The following ADGRL1 variants were observed in gnomAD, a reference collection of about 807,000 sequenced individuals.
The protein encoded by ADGRL1 is adhesion G protein-coupled receptor L1.
ADGRL1 carries 31 observed loss-of-function variants against 148.9 expected under a neutral mutation model. The ratio of observed to expected loss-of-function variants is 0.21; its 90% CI spans 0.16 to 0.28. The LOEUF (loss-of-function observed/expected upper bound fraction) is 0.28. Among genes scored for constraint, ADGRL1 ranks in the 10% least tolerant of loss-of-function variants. ADGRL1 has a pLI of 1.00. For missense variants in ADGRL1, 1,521 were observed against 2,058.8 expected, an observed-to-expected ratio of 0.74 and a Z score of 5.05; for synonymous variants, 937 against 900.3, an observed-to-expected ratio of 1.04 and a Z score of -0.73.
chr19:14,160,389 A>G lies in ADGRL1; in HGVS notation c.1615-92T>C, dbSNP rs937314741. The G allele has an allele frequency of 4.1e-6, 5 of 1,214,062 alleles. No individual in the cohort carries two copies. The highest frequency in any genetic ancestry group is 5.8e-6 in the Non-Finnish European group (5 of 869,024). 75.2% of individuals were successfully genotyped at this position (1,214,062 alleles called of 1,614,324 possible). On this transcript the variant is annotated intron_variant, in intron 7 of 22. Transcript: ENST00000361434. The surrounding 1 kb of genome is among the most constrained non-coding windows in gnomAD (Gnocchi z 5.9). The stretch of plus-strand genomic sequence containing the variant: ...TTCCCTGGCCTGTGCAGCCTCTCCT[A>G]TCTCTCTCTCCACTTCCCCATCGCC...
At chr19:14,166,582 A>AAGAGAGAG (rs3036177) in intron 4 of ADGRL1, among the ~76,000 whole-genome samples, 6 of 146,582 alleles carry the variant, frequency 4.1e-5, no homozygotes, top group Non-Finnish European at 9.1e-5. Context: ...GAGAGAGAGA[A>AAGAGAGAG]AGAGAGAGAG....
Position 14,155,574 on chromosome 19 carries a change from G to A in ADGRL1, c.3126-47C>T, listed in dbSNP as rs767039764. 93 of 1,599,922 alleles carry A rather than the reference G, an allele frequency of 5.8e-5. 1 individual carries two copies. The East Asian group carries it at 1.9e-3, about 33-fold the overall frequency. On this transcript the variant is annotated intron_variant, in intron 17 of 22. Coordinates refer to ENST00000361434, the MANE Select transcript of ADGRL1 (RefSeq NM_014921.5). The surrounding 1 kb of genome is among the most constrained non-coding windows in gnomAD (Gnocchi z 5.0). ...AGTCAAAGTACCCGCCGGAGGGGAC[G>A]GCCTCAGCCCAGGCCTCCCCTGCAG...
At chr19:14,188,512 C>A (rs141667340) in intron 1 of ADGRL1, among the ~76,000 whole-genome samples, 3 of 152,200 alleles carry the variant, frequency 2.0e-5, no homozygotes, top group Admixed American at 1.3e-4. Context: ...TAAGCCCCTA[C>A]ATCAGTGCAC....
chr19:14,151,172 A>C lies in ADGRL1; in HGVS notation c.4111T>G (p.Ser1371Ala), dbSNP rs1308189126. The change falls in exon 23 of 23, where the codon TCC (serine) becomes GCC (alanine). Residue 1371 changes from serine (S) to alanine (A), a missense_variant. This residue lies in a region of ADGRL1 where 390 missense variants were observed against 375.0 expected (regional missense o/e 1.04). Transcript: ENST00000361434. ...AGGGAGTCCCGGCCAGGAGGGGAGG[A>C]GAGGGGCCGGCTGGTGGCGCCGTCC... The part of the protein sequence containing the change: ...AEDGATSRPL[S>A]SPPGRDSLYA... 3.1e-6 allele frequency: 5 copies of C among 1,609,342 alleles called. No individual in the cohort carries two copies. The South Asian group carries it at 4.4e-5, about 14-fold the overall frequency.
chr19:14,156,070 G>C, intron 17 of ADGRL1, 40 bp downstream of exon 17: 1 of 1,505,224 alleles, frequency 6.6e-7, no homozygotes, highest in Non-Finnish European at 9.1e-7. Flanking sequence ...TGGGGCGGGG[G>C]TGGGTGATGG....
intron 3 of ADGRL1, among the ~76,000 whole-genome samples, chr19:14,174,078 A>C (rs1308118516): frequency 6.6e-6 from 1 of 151,916 alleles, no homozygotes; most frequent in African/African-American, 2.4e-5. Flanking sequence ...AGGCCTCATC[A>C]CACTCCCTCA....
At chr19:14,201,024 G>C (rs1343972944) in intron 1 of ADGRL1, among the ~76,000 whole-genome samples, 1 of 152,130 alleles carries the variant, frequency 6.6e-6, no homozygotes, top group Non-Finnish European at 1.5e-5. Context: ...ACGACTGTGG[G>C]GCTGGAGGTG....
At chr19:14,178,249 A>G (rs1205083079) in intron 2 of ADGRL1, among the ~76,000 whole-genome samples, 1 of 152,184 alleles carries the variant, frequency 6.6e-6, no homozygotes. Flanking sequence ...ACACACTTGT[A>G]ACCCCAGCAT....
chr19:14,155,168 G>A lies in ADGRL1; in HGVS notation c.3294+191C>T, dbSNP rs769327090. On this transcript the variant is annotated intron_variant, in intron 18 of 22. Transcript: ENST00000361434. The surrounding 1 kb of genome is among the most constrained non-coding windows in gnomAD (Gnocchi z 5.0). ...GTTTTCCAGAACCCTCTTCACCCGT[G>A]GTTAAACCCTCCCTAACCCTGAGCT... The A allele has an allele frequency of 2.0e-5, 11 of 541,602 alleles. No homozygotes were observed. Among genetic ancestry groups the A allele is most frequent in the Non-Finnish European group, 6.5e-6 (2 of 308,164 alleles). 33.5% of individuals were successfully genotyped at this position (541,602 alleles called of 1,614,324 possible).
At chr19:14,166,899 C>G in intron 4 of ADGRL1, 1 of 1,097,222 alleles carries the variant, frequency 9.1e-7, no homozygotes, top group Non-Finnish European at 1.4e-6. Context: ...GGATACCGAC[C>G]GGACCAAGTG....
At chr19:14,198,854 G>T (rs1972428224) in intron 1 of ADGRL1, among the ~76,000 whole-genome samples, 1 of 152,170 alleles carries the variant, frequency 6.6e-6, no homozygotes, top group Admixed American at 6.5e-5. Flanking sequence ...TTGCAACTCT[G>T]TTGCGCTCAC....
rs750677566 is a variant in ADGRL1 at position 14,150,909 on chromosome 19, A to G, written c.4374T>C (p.Asp1458=). ...TGACCAGCTGCATCTGCCCGTCCCC[A>G]TCGGGCCCTGGCCCCTCAAGGCCTG... The part of the protein sequence containing the change: ...AAPGLEGPGP[D]GDGQMQLVTS... The change falls in exon 23 of 23, where the codon GAT becomes GAC. Residue 1458 remains aspartate, a synonymous_variant. Coordinates refer to ENST00000361434, the MANE Select transcript of ADGRL1 (RefSeq NM_014921.5). The G allele has an allele frequency of 1.2e-6, 2 of 1,612,108 alleles. No homozygotes were observed. Among genetic ancestry groups the G allele is most frequent in the South Asian group, 1.1e-5 (1 of 91,002 alleles).
intron 4 of ADGRL1, among the ~76,000 whole-genome samples, chr19:14,165,344 C>T (rs1310266033): frequency 6.6e-6 from 1 of 152,206 alleles, no homozygotes; most frequent in Non-Finnish European, 1.5e-5. Context: ...CTGCCCAAGC[C>T]GGTCCCCACC....
At chr19:14,184,638 A>ATTTTTTTTT (rs1293975046) in intron 1 of ADGRL1, among the ~76,000 whole-genome samples, 1 of 120,924 alleles carries the variant, frequency 8.3e-6, no homozygotes, top group Admixed American at 8.2e-5. Context: ...TTATTTATTT[A>ATTTTTTTTT]TTTATTTATT....
At position 14,147,893 on chromosome 19, in the gene ADGRL1, C is replaced by G. The variant is rs1035466844; in HGVS notation, c.*2980G>C. 6.6e-6 allele frequency: 1 copy of G among 151,730 alleles called. No individual in the cohort carries two copies. 9.4% of individuals were successfully genotyped at this position (151,730 alleles called of 1,614,324 possible). ...TCGACCCAAAATTGGTTTGGCATAT[C>G]GAAAAGGAGACCAAGGAGGGAGGGG... On this transcript the variant is annotated 3_prime_UTR_variant, in exon 23 of 23. Coordinates refer to ENST00000361434, the MANE Select transcript of ADGRL1 (RefSeq NM_014921.5).
Position 14,156,121 on chromosome 19 carries a change from C to T in ADGRL1, c.3114G>A (p.Leu1038=), listed in dbSNP as rs1192805704. The T allele has an allele frequency of 1.9e-6, 3 of 1,610,566 alleles. No homozygotes were observed. The highest frequency in any genetic ancestry group is 2.5e-6 in the Non-Finnish European group (3 of 1,178,876). The stretch of plus-strand genomic sequence containing the variant: ...GGGGCGAGGCTCACTTAATGTTGTC[C>T]AGGCGGCTGGAGTCGGGCTTGAGCA... ...SSVLKPDSSR[L]DNIKSWALGA... Residue 1038 remains leucine, a synonymous_variant, in exon 17 of 23, where the codon CTG becomes CTA. Transcript: ENST00000361434.
chr19:14,169,801 A>T (rs932481818), intron 4 of ADGRL1: 2 of 152,092 alleles, frequency 1.3e-5, no homozygotes, highest in Non-Finnish European at 1.5e-5. Context: ...GTGGGAGGAG[A>T]AGGGAAGGGA....
intron 1 of ADGRL1, among the ~76,000 whole-genome samples, chr19:14,198,871 G>T (rs1972429603): frequency 1.3e-5 from 2 of 152,158 alleles, no homozygotes; most frequent in African/African-American, 4.8e-5. Flanking sequence ...TCACCATCAT[G>T]GCACGTCCAC....
intron 1 of ADGRL1, among the ~76,000 whole-genome samples, chr19:14,194,690 G>A (rs1325054166): frequency 6.6e-6 from 1 of 152,086 alleles, no homozygotes; most frequent in East Asian, 1.9e-4. Flanking sequence ...GGATCCTGGG[G>A]GGCCAGAAGA....
Sources: gnomAD v4.1 joint callset for allele counts (sites outside exome capture counted in the v4.1 genomes callset) on GRCh38, gnomAD v4.1.1 for gene constraint, gnomAD v4.1.1 regional missense constraint, Gnocchi (gnomAD v3.1) non-coding constraint, MANE v1.5 for transcripts, NCBI Gene and HGNC (gene_info 2026-07-23, HGNC 2026-07-21) for gene names.